The following CUBN variants were observed in gnomAD, a reference collection of about 807,000 sequenced individuals.
CUBN encodes the protein cubilin.
A neutral mutation model predicts 405.3 loss-of-function variants in CUBN; 282 were observed. That is an observed-to-expected ratio of 0.70 (90% CI 0.63 to 0.77). CUBN has a LOEUF of 0.77. CUBN is among the 30% of genes least tolerant of loss of function. CUBN has a pLI of 0.00. For synonymous variants in CUBN, 1,684 were observed against 1,617.0 expected, an observed-to-expected ratio of 1.04 and a Z score of -0.99; for missense variants, 4,514 against 4,475.2, an observed-to-expected ratio of 1.01 and a Z score of -0.25.
At chr10:17,005,976 A>G (rs1270501872) in intron 28 of CUBN, among the ~76,000 whole-genome samples, 1 of 152,204 alleles carries the variant, frequency 6.6e-6, no homozygotes, top group East Asian at 1.9e-4. Flanking sequence ...CAGGATGAAC[A>G]CACACAGAGA....
Position 16,825,068 on chromosome 10 carries a change from A to G in CUBN, c.10779T>C (p.Ala3593=), listed in dbSNP as rs1838734664. 2 of 1,612,692 alleles carry G rather than the reference A, an allele frequency of 1.2e-6. No homozygotes were observed. Among genetic ancestry groups the G allele is most frequent in the Non-Finnish European group, 8.5e-7 (1 of 1,178,980 alleles). Residue 3593 remains alanine, a synonymous_variant, in exon 67 of 67, where the codon GCT becomes GCC. Coordinates refer to ENST00000377833, the MANE Select transcript of CUBN (RefSeq NM_001081.4). ...GPYCGGDTSI[A]PFVASSNQVF... is the part of the protein sequence containing the mutation. ...CCTGATTTGAGGAAGCCACGAAGGG[A>G]GCTATGCTGGTGTCCTAAAATTGAA...
intron 28 of CUBN, among the ~76,000 whole-genome samples, chr10:17,004,719 G>C (rs1306510720): frequency 6.7e-6 from 1 of 148,426 alleles, no homozygotes; most frequent in African/African-American, 2.5e-5. Flanking sequence ...GCCCAGGCTG[G>C]AGCGCAGTGG....
At chr10:17,099,064 G>A (rs1427144936) in intron 14 of CUBN, among the ~76,000 whole-genome samples, 1 of 152,154 alleles carries the variant, frequency 6.6e-6, no homozygotes, top group African/African-American at 2.4e-5. Context: ...ATATGGAAAT[G>A]CAGAATATCC....
At chr10:17,007,619 C>T (rs12266009) in intron 28 of CUBN, among the ~76,000 whole-genome samples, 2 of 151,716 alleles carry the variant, frequency 1.3e-5, no homozygotes, top group African/African-American at 4.9e-5. Flanking sequence ...AGAAAAGAGT[C>T]CAGTGGGGAG....
chr10:17,000,389 T>A (rs944776626), intron 28 of CUBN, among the ~76,000 whole-genome samples: 29 of 152,170 alleles, frequency 1.9e-4, no homozygotes, highest in Non-Finnish European at 4.4e-5. Flanking sequence ...GCAAATAACA[T>A]CAGCTATTTC....
intron 29 of CUBN, among the ~76,000 whole-genome samples, chr10:16,985,896 C>T (rs1374308628): frequency 6.6e-6 from 1 of 152,240 alleles, no homozygotes; most frequent in Non-Finnish European, 1.5e-5. Flanking sequence ...ACATAGTCCT[C>T]TGGAAAGAGT....
chr10:16,840,574 T>G (rs1306501302), intron 61 of CUBN, 39 bp from the exon 62 acceptor site: 5 of 1,468,408 alleles, frequency 3.4e-6, no homozygotes, highest in Non-Finnish European at 4.7e-6. Flanking sequence ...AGACATTTTA[T>G]TCATGTCTCA....
intron 11 of CUBN, 72 bp downstream of exon 11, chr10:17,105,385 T>C (rs1375911616): frequency 3.3e-6 from 3 of 901,090 alleles, no homozygotes; most frequent in Non-Finnish European, 5.7e-6. Context: ...CTGAATCCTA[T>C]AACGTTACAT....
rs571823579 is a variant in CUBN, at chr10:16,985,881, C to T, written c.4351-1602G>A. On this transcript the variant is annotated intron_variant, in intron 29 of 66. Coordinates refer to ENST00000377833, the MANE Select transcript of CUBN (RefSeq NM_001081.4). Reference sequence around the variant, plus strand: ...TCTGTCTGACTGGAATCCAATACCCCAGTGACATAGTCCTCTGGAAAGAGT... The same window carrying T: ...TCTGTCTGACTGGAATCCAATACCCTAGTGACATAGTCCTCTGGAAAGAGT... 6.4e-4 allele frequency among the ~76,000 whole-genome samples: 98 copies of T among 152,348 alleles called. No homozygotes were observed. The South Asian group carries it at 7.0e-3, about 11-fold the overall frequency.
At chr10:17,065,905 G>C (rs761666762) in intron 21 of CUBN, among the ~76,000 whole-genome samples, 14 of 152,062 alleles carry the variant, frequency 9.2e-5, no homozygotes, top group Admixed American at 5.2e-4. Flanking sequence ...AGCTACACTA[G>C]ATTGCCATAT....
chr10:17,071,483 G>C lies in CUBN; in HGVS notation c.2568C>G (p.Leu856=). 6.2e-7 allele frequency: 1 copy of C among 1,613,962 alleles called. No homozygotes were observed. Among genetic ancestry groups the C allele is most frequent in the South Asian group, 1.1e-5 (1 of 91,078 alleles). ...TTCCAATTTCAAAGACAGTGAAGTTGAGGAGAATGACTTGGCTTTGGGGCT... is the reference window on the plus strand; with the variant it reads ...TTCCAATTTCAAAGACAGTGAAGTTCAGGAGAATGACTTGGCTTTGGGGCT... The part of the protein sequence containing the change: ...IHQPQSQVIL[L]NFTVFEIGSS... Residue 856 remains leucine, a synonymous_variant, in exon 19 of 67, where the codon CTC becomes CTG. Transcript: ENST00000377833.
chr10:17,084,864 G>C (rs1408705979), intron 16 of CUBN, among the ~76,000 whole-genome samples: 2 of 152,170 alleles, frequency 1.3e-5, no homozygotes, highest in Non-Finnish European at 1.5e-5. Context: ...TGTAGCCAGG[G>C]GGAGTTGATT....
At chr10:16,935,566 T>C (rs1038319587) in intron 39 of CUBN, among the ~76,000 whole-genome samples, 7 of 152,078 alleles carry the variant, frequency 4.6e-5, no homozygotes, top group Non-Finnish European at 8.8e-5. Flanking sequence ...TTAAAATAAA[T>C]ATATGTGTGT....
At chr10:16,836,125 A>G in intron 63 of CUBN, 110 bp downstream of exon 63, 2 of 1,125,060 alleles carry the variant, frequency 1.8e-6, no homozygotes, top group East Asian at 2.5e-5. Flanking sequence ...TTTTGTTAAC[A>G]AATCCTAATT....
chr10:16,967,318 A>G (rs1286729032), intron 31 of CUBN, among the ~76,000 whole-genome samples: 1 of 152,210 alleles, frequency 6.6e-6, no homozygotes, highest in Non-Finnish European at 1.5e-5. Context: ...TGTTGCGAGC[A>G]CTGACTCAAA....
rs41289303 is a variant in CUBN at position 16,937,594 on chromosome 10, G to A, written c.5924C>T (p.Pro1975Leu). Reference sequence around the variant, plus strand: ...ACTTCATTTATTACCAAACACACCTGGAGCAATGGTAGGTAAAACACCATC... The same window carrying A: ...ACTTCATTTATTACCAAACACACCTAGAGCAATGGTAGGTAAAACACCATC... Reference protein sequence around the residue: ...APDGVLPTIAPGACGGFLRTG... With the variant: ...APDGVLPTIALGACGGFLRTG... Residue 1975 changes from proline (P) to leucine (L), a missense_variant and splice_region_variant, in exon 39 of 67, where the codon CCA becomes CTA. Physicochemically the swap from Pro to Leu is moderately conservative, Grantham distance 98. This residue lies in a region of CUBN where 1,613 missense variants were observed against 1,542.8 expected (regional missense o/e 1.05). Coordinates refer to ENST00000377833, the MANE Select transcript of CUBN (RefSeq NM_001081.4). 16,381 of 1,613,178 alleles carry A rather than the reference G, an allele frequency of 0.01. 198 individuals carry two copies. Among genetic ancestry groups the A allele is most frequent in the Admixed American group, 0.03 (1,784 of 59,984 alleles).
intron 27 of CUBN, among the ~76,000 whole-genome samples, chr10:17,026,104 C>G (rs758555356): frequency 4.6e-5 from 7 of 152,116 alleles, no homozygotes; most frequent in Admixed American, 6.5e-5. Flanking sequence ...CACTGGAGAT[C>G]CAGAAGGATG....
Position 17,087,394 on chromosome 10 carries a change from C to G in CUBN, c.1947+770G>C, listed in dbSNP as rs572520238. On this transcript the variant is annotated intron_variant, in intron 15 of 66. Coordinates refer to ENST00000377833, the MANE Select transcript of CUBN (RefSeq NM_001081.4). Reference sequence around the variant, plus strand: ...AGGCAGAAGGAGCTTCGGCTGATACCTCTCCTCTCAGTAATAATGATTACT... The same window carrying G: ...AGGCAGAAGGAGCTTCGGCTGATACGTCTCCTCTCAGTAATAATGATTACT... Among the ~76,000 whole-genome samples, 4 of 151,476 alleles carry G rather than the reference C, an allele frequency of 2.6e-5. No homozygotes were observed. The South Asian group carries it at 6.2e-4, about 24-fold the overall frequency.
intron 48 of CUBN, among the ~76,000 whole-genome samples, chr10:16,910,046 T>C (rs1588641456): frequency 6.7e-6 from 1 of 148,976 alleles, no homozygotes; most frequent in African/African-American, 2.6e-5. Flanking sequence ...CACTCTTTTC[T>C]TTTTTTTCTT....
Sources: allele counts gnomAD v4.1 joint callset (sites outside exome capture counted in the v4.1 genomes callset), GRCh38; gene constraint gnomAD v4.1.1; regional missense constraint gnomAD v4.1.1; transcripts MANE v1.5; gene names NCBI Gene and HGNC (gene_info 2026-07-23, HGNC 2026-07-21).